The following FECH variants were observed in gnomAD, a reference collection of about 807,000 sequenced individuals.
FECH encodes the protein ferrochelatase, also known as ferrochelatase, mitochondrial.
FECH carries 40 observed loss-of-function variants against 56.9 expected under a neutral mutation model. That is an observed-to-expected ratio of 0.70 (90% CI 0.55 to 0.92). The LOEUF is 0.92. Ranked by LOEUF, FECH falls within the 40% of genes least tolerant of loss-of-function variation. FECH has a pLI of 0.00. For synonymous variants in FECH, 175 were observed against 198.6 expected (o/e 0.88, Z 1.00); for missense variants, 431 against 529.1 (o/e 0.81, Z 1.82).
chr18:57,555,779 T>G (rs1289726245), intron 7 of FECH, among the ~76,000 whole-genome samples: 1 of 152,242 alleles, frequency 6.6e-6, no homozygotes, highest in Non-Finnish European at 1.5e-5. Context: ...TCCTATGATA[T>G]GGCTGGAAAC....
chr18:57,544,409 C>T lies in FECH; in HGVS notation c.*6303G>A, dbSNP rs1371192951. ...GAGAGTATGTTTACTATAAATTTTACTAATCTAAAAGATGTGGAATACACA... is the reference window on the plus strand; with the variant it reads ...GAGAGTATGTTTACTATAAATTTTATTAATCTAAAAGATGTGGAATACACA... On this transcript the variant is annotated 3_prime_UTR_variant, in exon 11 of 11. Coordinates refer to ENST00000262093, the MANE Select transcript of FECH (RefSeq NM_000140.5). Among the ~76,000 whole-genome samples the T allele has an allele frequency of 2.0e-5, 3 of 152,178 alleles. No individual in the cohort carries two copies. Among genetic ancestry groups the T allele is most frequent in the Non-Finnish European group, 4.4e-5 (3 of 68,034 alleles).
Position 57,586,636 on chromosome 18 carries a change from GGCCCGAGTCC to G in FECH, c.-26_-17del. 1 of 1,507,942 alleles carries G rather than the reference GGCCCGAGTCC, an allele frequency of 6.6e-7. No individual in the cohort carries two copies. The highest frequency in any genetic ancestry group is 8.8e-7 in the Non-Finnish European group (1 of 1,134,808). The allele number at this position is 1,507,942 out of a possible 1,614,324, so 93.4% of individuals were successfully genotyped here. On this transcript the variant is annotated 5_prime_UTR_variant, in exon 1 of 11. Transcript: ENST00000262093. ...GTGAACGCATTGCCTGGGCAGCCTC[GGCCCGAGTCC>G]GGGCTCCTCCCGCGGCGGCGCGCCC...
rs1449646655 is a variant in FECH at position 57,571,272 on chromosome 18, G to C, written c.463+120C>G. The C allele has an allele frequency of 6.6e-6, 7 of 1,062,020 alleles. No individual in the cohort carries two copies. In the African/African-American group the frequency reaches 9.4e-5, roughly 14 times the overall value. 65.8% of individuals were successfully genotyped at this position (1,062,020 alleles called of 1,614,324 possible). A position where few individuals can be genotyped will look rare whatever the true frequency, so the allele number is the denominator to read the frequency against. ...AAATTAAGTGACCATGTATTATGTA[G>C]AAACACCACAAATTGAGTTGCCAGT... is the stretch of plus-strand genomic sequence containing the variant. On this transcript the variant is annotated intron_variant, in intron 4 of 10. Transcript: ENST00000262093.
intron 2 of FECH, among the ~76,000 whole-genome samples, chr18:57,576,182 C>A (rs1484560781): frequency 1.3e-5 from 2 of 152,120 alleles, no homozygotes; most frequent in Non-Finnish European, 2.9e-5. Context: ...CCAGCCATTG[C>A]CAAATTTGTC....
chr18:57,574,944 T>C (rs978860259), intron 2 of FECH, among the ~76,000 whole-genome samples: 2 of 152,194 alleles, frequency 1.3e-5, no homozygotes, highest in African/African-American at 4.8e-5. Flanking sequence ...CAGGACATCT[T>C]TACCCCACAA....
At chr18:57,567,588 TAA>T (rs1470034233) in intron 4 of FECH, among the ~76,000 whole-genome samples, 1 of 152,194 alleles carries the variant, frequency 6.6e-6, no homozygotes, top group Non-Finnish European at 1.5e-5. Context: ...TGTCAGGTAA[TAA>T]ATAATAAGAC....
chr18:57,562,049 T>C (rs2050951316), intron 6 of FECH, among the ~76,000 whole-genome samples: 1 of 152,222 alleles, frequency 6.6e-6, no homozygotes, highest in African/African-American at 2.4e-5. Flanking sequence ...CAGATTTAAA[T>C]GACACCAGGC....
chr18:57,558,602 T>C (rs2050897787), intron 7 of FECH, among the ~76,000 whole-genome samples: 1 of 152,220 alleles, frequency 6.6e-6, no homozygotes, highest in African/African-American at 2.4e-5. Flanking sequence ...GAAAGTCTTA[T>C]ATATATCTTC....
intron 10 of FECH, 43 bp from the exon 11 acceptor site, chr18:57,550,889 G>A: frequency 6.2e-7 from 1 of 1,611,252 alleles, no homozygotes. Context: ...GAAGCACAGG[G>A]TCTGCTCGTC....
intron 2 of FECH, among the ~76,000 whole-genome samples, chr18:57,577,700 A>C (rs889022586): frequency 6.6e-6 from 1 of 152,268 alleles, no homozygotes; most frequent in Non-Finnish European, 1.5e-5. Context: ...CATTATAAAT[A>C]TATGATGTAC....
At chr18:57,567,986 A>G (rs1051728586) in intron 4 of FECH, 1 of 152,240 alleles carries the variant, frequency 6.6e-6, no homozygotes, top group African/African-American at 2.4e-5. Flanking sequence ...CAGTTAAAAC[A>G]TATCACAGGA....
intron 2 of FECH, among the ~76,000 whole-genome samples, chr18:57,577,361 AAGAC>A (rs2051198840): frequency 6.6e-6 from 1 of 152,234 alleles, no homozygotes; most frequent in African/African-American, 2.4e-5. Context: ...ATAGCAGCAA[AAGAC>A]AGAGTTTGGC....
Position 57,546,886 on chromosome 18 carries a change from A to T in FECH, c.*3826T>A, listed in dbSNP as rs972012248. Among the ~76,000 whole-genome samples the T allele has an allele frequency of 1.1e-4, 16 of 151,196 alleles. No homozygotes were observed. Among genetic ancestry groups the T allele is most frequent in the African/African-American group, 3.7e-4 (15 of 41,016 alleles). On this transcript the variant is annotated 3_prime_UTR_variant, in exon 11 of 11. Coordinates refer to ENST00000262093, the MANE Select transcript of FECH (RefSeq NM_000140.5). The stretch of plus-strand genomic sequence containing the variant: ...GAGGCAGGATGATCCTTTGAACCCA[A>T]GAGGCGGAGGTTGCAGTGAGCCGAG...
chr18:57,583,104 C>T (rs1223830747), intron 1 of FECH, among the ~76,000 whole-genome samples: 3 of 152,068 alleles, frequency 2.0e-5, no homozygotes, highest in Non-Finnish European at 4.4e-5. Flanking sequence ...GCCAAGGGAC[C>T]CTTTCCACTC....
chr18:57,554,780 T>C, intron 8 of FECH, 65 bp downstream of exon 8: 1 of 1,362,130 alleles, frequency 7.3e-7, no homozygotes, highest in Non-Finnish European at 1.1e-6. Context: ...TCTAACCATT[T>C]TATAACTCAT....
chr18:57,545,052 C>T lies in FECH; in HGVS notation c.*5660G>A, dbSNP rs921140239. ...ATTATCAAGGTTAAATCTATTCTTTCTTAACATGACAGGAAAGTAAAGCTT... is the reference window on the plus strand; with the variant it reads ...ATTATCAAGGTTAAATCTATTCTTTTTTAACATGACAGGAAAGTAAAGCTT... On this transcript the variant is annotated 3_prime_UTR_variant, in exon 11 of 11. Coordinates refer to ENST00000262093, the MANE Select transcript of FECH (RefSeq NM_000140.5). Among the ~76,000 whole-genome samples, 1 of 152,086 alleles carries T rather than the reference C, an allele frequency of 6.6e-6. No individual in the cohort carries two copies. Among genetic ancestry groups the T allele is most frequent in the Non-Finnish European group, 1.5e-5 (1 of 68,012 alleles).
chr18:57,583,585 A>G (rs2051317906), intron 1 of FECH, among the ~76,000 whole-genome samples: 1 of 152,262 alleles, frequency 6.6e-6, no homozygotes, highest in Non-Finnish European at 1.5e-5. Flanking sequence ...AATATCCAAT[A>G]GTATAGACTT....
chr18:57,565,043 C>T (rs955307696), intron 5 of FECH, among the ~76,000 whole-genome samples: 6 of 152,194 alleles, frequency 3.9e-5, no homozygotes, highest in African/African-American at 1.2e-4. Flanking sequence ...ACATGAGATA[C>T]ATTCAAGAAA....
rs1335543942 is a variant in FECH, at chr18:57,546,794, A to G, written c.*3918T>C. 6.6e-6 allele frequency among the ~76,000 whole-genome samples: 1 copy of G among 151,570 alleles called. No individual in the cohort carries two copies. The highest frequency in any genetic ancestry group is 1.5e-5 in the Non-Finnish European group (1 of 67,878). On this transcript the variant is annotated 3_prime_UTR_variant, in exon 11 of 11. Coordinates refer to ENST00000262093, the MANE Select transcript of FECH (RefSeq NM_000140.5). ...ACCAACATGGTCAGGCCCCATCTCT[A>G]CTAAAAATACAAAAATTAGCCGGGC...
Sources: gnomAD v4.1 joint callset for allele counts (sites outside exome capture counted in the v4.1 genomes callset) on GRCh38, gnomAD v4.1.1 for gene constraint, MANE v1.5 for transcripts, NCBI Gene and HGNC (gene_info 2026-07-23, HGNC 2026-07-21) for gene names.